The following HMCN1 variants were observed in gnomAD, a reference collection of about 807,000 sequenced individuals.
HMCN1 encodes the protein hemicentin 1, also known as hemicentin-1.
A neutral mutation model predicts 625.9 loss-of-function variants in HMCN1; 321 were observed. The ratio of observed to expected loss-of-function variants is 0.51; its 90% CI spans 0.47 to 0.56. The LOEUF is 0.56. Ranked by LOEUF, HMCN1 falls within the 20% of genes least tolerant of loss-of-function variation. The pLI, the probability that HMCN1 is intolerant of heterozygous loss-of-function variation, is 0.00. For missense variants in HMCN1, 6,588 were observed against 6,887.3 expected (o/e 0.96, Z 1.54); for synonymous variants, 2,425 against 2,417.6 (o/e 1.00, Z -0.09).
At chr1:185,746,605 CTTT>C (rs59992589) in intron 1 of HMCN1, among the ~76,000 whole-genome samples, 6 of 132,334 alleles carry the variant, frequency 4.5e-5, no homozygotes, top group Admixed American at 7.6e-5. Context: ...TTTCCTTTTC[CTTT>C]TTTTTTTTTT....
chr1:186,099,028 G>T (rs548990355), intron 68 of HMCN1, among the ~76,000 whole-genome samples: 1 of 152,172 alleles, frequency 6.6e-6, no homozygotes, highest in Non-Finnish European at 1.5e-5. Context: ...GGAGACAGGG[G>T]GAGTAGGTCA....
intron 42 of HMCN1, among the ~76,000 whole-genome samples, chr1:186,052,568 G>A (rs530355015): frequency 3.3e-5 from 5 of 152,128 alleles, no homozygotes; most frequent in Non-Finnish European, 7.4e-5. Flanking sequence ...AGATATCAAA[G>A]CTAGCTAGGC....
At chr1:185,750,827 A>G (rs1336090676) in intron 1 of HMCN1, among the ~76,000 whole-genome samples, 1 of 148,664 alleles carries the variant, frequency 6.7e-6, no homozygotes, top group South Asian at 2.1e-4. Context: ...TTTTTTTAAA[A>G]TTCTATTTTC....
rs1226906862 is a variant in HMCN1 at position 186,115,249 on chromosome 1, T to C, written c.11405-9T>C. 3.7e-6 allele frequency: 6 copies of C among 1,613,946 alleles called. No individual in the cohort carries two copies. Among genetic ancestry groups the C allele is most frequent in the Non-Finnish European group, 5.1e-6 (6 of 1,179,882 alleles). On this transcript the variant is annotated splice_polypyrimidine_tract_variant and intron_variant, in intron 74 of 106. Transcript: ENST00000271588. Reference sequence around the variant, plus strand: ...TGTGTTTCCTTCTTATTTGGTGACATTGTCTTAGTTCCTCCATCTATTGCT... The same window carrying C: ...TGTGTTTCCTTCTTATTTGGTGACACTGTCTTAGTTCCTCCATCTATTGCT...
intron 105 of HMCN1, 55 bp downstream of exon 105, chr1:186,182,342 AG>A (rs1425625343): frequency 1.2e-6 from 2 of 1,605,826 alleles, no homozygotes; most frequent in Non-Finnish European, 1.7e-6. Context: ...ACCAACAGAG[AG>A]TGTGAGAAGT....
intron 10 of HMCN1, among the ~76,000 whole-genome samples, chr1:185,932,734 G>A (rs557638200): frequency 9.9e-5 from 15 of 152,124 alleles, no homozygotes; most frequent in South Asian, 4.1e-4. Context: ...TGGGGGATGA[G>A]GGGAGGGAAC....
At chr1:185,948,859 TA>T (rs1366872285) in intron 11 of HMCN1, among the ~76,000 whole-genome samples, 1 of 151,740 alleles carries the variant, frequency 6.6e-6, no homozygotes, top group South Asian at 2.1e-4. Flanking sequence ...CAAGCGGGAT[TA>T]GGGGCGGCGT....
At chr1:186,003,611 A>G (rs1383081176) in intron 28 of HMCN1, 107 bp from the exon 29 acceptor site, 2 of 1,046,568 alleles carry the variant, frequency 1.9e-6, no homozygotes, top group African/African-American at 1.6e-5. Context: ...TATTTTTGAC[A>G]TTAAGATCTT....
intron 1 of HMCN1, among the ~76,000 whole-genome samples, chr1:185,742,953 C>T (rs959100465): frequency 6.6e-6 from 1 of 152,128 alleles, no homozygotes; most frequent in Non-Finnish European, 1.5e-5. Flanking sequence ...TAACAGAATC[C>T]TCTGTGACTC....
chr1:185,847,143 A>G (rs891601230), intron 2 of HMCN1, among the ~76,000 whole-genome samples: 1 of 144,942 alleles, frequency 6.9e-6, no homozygotes, highest in African/African-American at 2.6e-5. Context: ...TTTTTTTTTT[A>G]TCATTTGAAC....
chr1:186,001,892 C>G (rs534034143), intron 28 of HMCN1, 151 bp downstream of exon 28: 1 of 713,694 alleles, frequency 1.4e-6, no homozygotes, highest in Non-Finnish European at 2.3e-6. Flanking sequence ...ATTTGTTAAC[C>G]AGAACCATAT....
intron 39 of HMCN1, 86 bp from the exon 40 acceptor site, chr1:186,040,927 A>T: frequency 6.9e-7 from 1 of 1,443,820 alleles, no homozygotes; most frequent in Non-Finnish European, 9.7e-7. Context: ...GTCAACTGAT[A>T]AGCCTCAAAA....
At chr1:185,792,490 A>C (rs2102203385) in intron 1 of HMCN1, among the ~76,000 whole-genome samples, 1 of 151,376 alleles carries the variant, frequency 6.6e-6, no homozygotes, top group African/African-American at 2.5e-5. Flanking sequence ...TCTCAGCTCC[A>C]AAAAGACACA....
chr1:185,886,478 A>G (rs1487422725), intron 4 of HMCN1, among the ~76,000 whole-genome samples: 1 of 152,122 alleles, frequency 6.6e-6, no homozygotes. Flanking sequence ...GTTTCTCATT[A>G]TAAGTCTTTT....
In HMCN1 at chr1:186,005,271, A is replaced by T. The variant is rs184403028; in HGVS notation, c.4475+1427A>T. 3.3e-4 allele frequency among the ~76,000 whole-genome samples: 48 copies of T among 144,218 alleles called. 7 individuals carry two copies. The highest frequency in any genetic ancestry group is 1.2e-3 in the African/African-American group (45 of 38,734). 94.6% of individuals were successfully genotyped at this position (144,218 alleles called of 152,430 possible). ...TTTATAAACAAATTTTTAATTGTTTATAAATGTTTATAAACAAATTTTTAA... is the reference window on the plus strand; with the variant it reads ...TTTATAAACAAATTTTTAATTGTTTTTAAATGTTTATAAACAAATTTTTAA... On this transcript the variant is annotated intron_variant, in intron 29 of 106. Transcript: ENST00000271588.
rs1044852474 is a variant in HMCN1, at chr1:186,086,159, A to G, written c.8885-87A>G. On this transcript the variant is annotated intron_variant, in intron 57 of 106. Coordinates refer to ENST00000271588, the MANE Select transcript of HMCN1 (RefSeq NM_031935.3). Reference sequence around the variant, plus strand: ...AGAATCGTTAACTCAGTCCTTTAGCAGAGTACAGTGGTTGGATTTATATTT... The same window carrying G: ...AGAATCGTTAACTCAGTCCTTTAGCGGAGTACAGTGGTTGGATTTATATTT... 7.5e-6 allele frequency: 9 copies of G among 1,207,926 alleles called. No individual in the cohort carries two copies. In the Admixed American group the frequency reaches 1.5e-4, roughly 21 times the overall value. 74.8% of individuals were successfully genotyped at this position (1,207,926 alleles called of 1,614,324 possible).
At chr1:185,890,287 A>G (rs868002681) in intron 4 of HMCN1, among the ~76,000 whole-genome samples, 30 of 147,914 alleles carry the variant, frequency 2.0e-4, no homozygotes, top group African/African-American at 4.5e-4. Flanking sequence ...ATTTTTTGAA[A>G]GGTTTTTTGT....
rs1043987631 is a variant in HMCN1 at position 186,086,522 on chromosome 1, C to A, written c.9046+115C>A. 1.8e-5 allele frequency: 19 copies of A among 1,035,970 alleles called. No homozygotes were observed. In the African/African-American group the frequency reaches 2.6e-4, roughly 14 times the overall value. 64.2% of individuals were successfully genotyped at this position (1,035,970 alleles called of 1,614,324 possible). A position where few individuals can be genotyped will look rare whatever the true frequency, so the allele number is the denominator to read the frequency against. ...TTGTCGTGCTTCATTTATTTATTCA[C>A]AGTAAATGCCTCTCTTTGCCCATTT... On this transcript the variant is annotated intron_variant, in intron 58 of 106. Coordinates refer to ENST00000271588, the MANE Select transcript of HMCN1 (RefSeq NM_031935.3).
At chr1:185,764,450 A>T (rs1388983024) in intron 1 of HMCN1, among the ~76,000 whole-genome samples, 1 of 152,126 alleles carries the variant, frequency 6.6e-6, no homozygotes, top group Non-Finnish European at 1.5e-5. Flanking sequence ...GAAGAGTTGG[A>T]TTATTGTTCT....
Sources: allele counts gnomAD v4.1 joint callset (sites outside exome capture counted in the v4.1 genomes callset), GRCh38; gene constraint gnomAD v4.1.1; transcripts MANE v1.5; gene names NCBI Gene and HGNC (gene_info 2026-07-23, HGNC 2026-07-21).